DIP2B: variants seen among roughly 807,000 people sequenced by gnomAD.
DIP2B encodes disco-interacting protein 2 homolog B.
A neutral mutation model predicts 198.0 loss-of-function variants in DIP2B; 76 were observed. That is an observed-to-expected ratio of 0.38 (90% CI 0.32 to 0.46). The LOEUF is 0.46. Ranked by LOEUF, DIP2B falls within the 20% of genes least tolerant of loss-of-function variation. DIP2B has a pLI of 0.99. For missense variants in DIP2B, 1,559 were observed against 1,978.4 expected (o/e 0.79, Z 4.02); for synonymous variants, 701 against 739.1 (o/e 0.95, Z 0.84).
intron 1 of DIP2B, among the ~76,000 whole-genome samples, chr12:50,603,600 A>G (rs757489349): frequency 4.6e-5 from 7 of 151,714 alleles, no homozygotes; most frequent in Non-Finnish European, 8.8e-5. Flanking sequence ...GCATGGTTGC[A>G]TGCTCCAGCT....
chr12:50,709,892 C>T (rs1939583239), intron 22 of DIP2B, among the ~76,000 whole-genome samples: 1 of 152,096 alleles, frequency 6.6e-6, no homozygotes, highest in Non-Finnish European at 1.5e-5. Context: ...GTAGGAGGAT[C>T]GCTTGAGCCA....
At chr12:50,603,045 T>C (rs1361757199) in intron 1 of DIP2B, among the ~76,000 whole-genome samples, 1 of 150,182 alleles carries the variant, frequency 6.7e-6, no homozygotes, top group Non-Finnish European at 1.5e-5. Flanking sequence ...GCGCCTGTAG[T>C]CCCAGCTACT....
rs1167444152 is a variant in DIP2B, at chr12:50,730,320, TTTCTTTTTC to T, written c.3642-1037_3642-1029del. On this transcript the variant is annotated intron_variant, in intron 30 of 37. Transcript: ENST00000301180. ...ATGCTACGATTTCAGTTGAATACTC[TTTCTTTTTC>T]TTCTTTTTCTTTCTCTCTCTTTCTT... Among the ~76,000 whole-genome samples, 21 of 152,266 alleles carry T rather than the reference TTTCTTTTTC, an allele frequency of 1.4e-4. No individual in the cohort carries two copies. The East Asian group carries it at 4.1e-3, about 29-fold the overall frequency.
chr12:50,643,949 A>G (rs1847644606), intron 3 of DIP2B, among the ~76,000 whole-genome samples: 1 of 152,224 alleles, frequency 6.6e-6, no homozygotes. Flanking sequence ...AAGTTGCTAG[A>G]ATTCAGAATA....
At chr12:50,574,116 C>T (rs551398406) in intron 1 of DIP2B, among the ~76,000 whole-genome samples, 2 of 152,134 alleles carry the variant, frequency 1.3e-5, no homozygotes, top group South Asian at 4.2e-4. Flanking sequence ...ATACTTTCTC[C>T]ATCAAAATAG....
At chr12:50,725,701 T>G (rs2139591693) in intron 28 of DIP2B, among the ~76,000 whole-genome samples, 1 of 152,308 alleles carries the variant, frequency 6.6e-6, no homozygotes, top group Admixed American at 6.5e-5. Context: ...TGTTATATAA[T>G]TTTATCCTTA....
At chr12:50,638,765 T>C (rs1938202070) in intron 2 of DIP2B, among the ~76,000 whole-genome samples, 1 of 152,104 alleles carries the variant, frequency 6.6e-6, no homozygotes, top group African/African-American at 2.4e-5. Context: ...CCTGCTGTCC[T>C]CCCATGCCCC....
intron 4 of DIP2B, among the ~76,000 whole-genome samples, chr12:50,661,305 GT>G (rs1938642025): frequency 6.6e-6 from 1 of 152,010 alleles, no homozygotes; most frequent in African/African-American, 2.4e-5. Context: ...TACTTAATAC[GT>G]CTTTGGGGAG....
chr12:50,711,176 G>A (rs184282584), intron 22 of DIP2B, among the ~76,000 whole-genome samples: 4 of 152,240 alleles, frequency 2.6e-5, no homozygotes, highest in East Asian at 1.9e-4. Context: ...GAGATAACAG[G>A]CCATTCTTTT....
chr12:50,706,808 T>C, intron 21 of DIP2B, 143 bp downstream of exon 21: 1 of 835,942 alleles, frequency 1.2e-6, no homozygotes, highest in Non-Finnish European at 1.7e-6. Flanking sequence ...CCTGGCTTTT[T>C]TTTTTCTTCT....
intron 2 of DIP2B, among the ~76,000 whole-genome samples, chr12:50,640,403 G>A (rs1159889247): frequency 6.6e-6 from 1 of 151,982 alleles, no homozygotes; most frequent in Non-Finnish European, 1.5e-5. Flanking sequence ...TTGTCTCACT[G>A]TTTAGGATTG....
chr12:50,521,745 A>G (rs1565811558), intron 1 of DIP2B, among the ~76,000 whole-genome samples: 1 of 149,660 alleles, frequency 6.7e-6, no homozygotes, highest in African/African-American at 2.4e-5. Context: ...ATCCACTCCA[A>G]CCGCCCCTCC....
chr12:50,684,379 AAC>A (rs1223317077), intron 10 of DIP2B, among the ~76,000 whole-genome samples: 1 of 152,240 alleles, frequency 6.6e-6, no homozygotes, highest in Non-Finnish European at 1.5e-5. Flanking sequence ...AAGCATATGT[AAC>A]AGATTTCCAT....
At chr12:50,574,105 A>G (rs1958637635) in intron 1 of DIP2B, among the ~76,000 whole-genome samples, 1 of 152,352 alleles carries the variant, frequency 6.6e-6, no homozygotes, top group East Asian at 1.9e-4. Context: ...TGTGAAGGAC[A>G]ATACTTTCTC....
intron 20 of DIP2B, 50 bp from the exon 21 acceptor site, chr12:50,706,487 GT>G: frequency 6.3e-7 from 1 of 1,592,098 alleles, no homozygotes; most frequent in Non-Finnish European, 8.6e-7. Flanking sequence ...AAAGATGTCT[GT>G]TTTACTATTT....
At chr12:50,585,544 C>T (rs1958763254) in intron 1 of DIP2B, among the ~76,000 whole-genome samples, 1 of 152,006 alleles carries the variant, frequency 6.6e-6, no homozygotes, top group Admixed American at 6.6e-5. Flanking sequence ...CAGGTGAGGC[C>T]TCAAGGAGGA....
intron 3 of DIP2B, among the ~76,000 whole-genome samples, chr12:50,649,195 T>A (rs891709495): frequency 6.6e-5 from 10 of 152,164 alleles, no homozygotes; most frequent in Non-Finnish European, 1.5e-4. Flanking sequence ...ACAAATCTAA[T>A]CTAATGCCGA....
intron 1 of DIP2B, among the ~76,000 whole-genome samples, chr12:50,523,411 G>T (rs1243848230): frequency 6.6e-6 from 1 of 152,068 alleles, no homozygotes; most frequent in Non-Finnish European, 1.5e-5. Flanking sequence ...TCACTTAGAG[G>T]TTTGTTTAAT....
intron 19 of DIP2B, among the ~76,000 whole-genome samples, chr12:50,703,907 A>G (rs1251403489): frequency 1.3e-5 from 2 of 150,248 alleles, no homozygotes; most frequent in African/African-American, 4.9e-5. Flanking sequence ...ATTTATTTAT[A>G]TATACATATT....
Sources: allele counts gnomAD v4.1 joint callset (sites outside exome capture counted in the v4.1 genomes callset), GRCh38; gene constraint gnomAD v4.1.1; transcripts MANE v1.5; gene names NCBI Gene and HGNC (gene_info 2026-07-23, HGNC 2026-07-21).